SIRT2: variants seen among roughly 807,000 people sequenced by gnomAD.
SIRT2 encodes NAD-dependent protein deacetylase sirtuin-2.
SIRT2 carries 40 observed loss-of-function variants against 57.4 expected under a neutral mutation model. The observed-to-expected ratio is 0.70, with a 90% CI of 0.54 to 0.91. SIRT2 has a LOEUF of 0.91. Ranked by LOEUF, SIRT2 falls within the 40% of genes least tolerant of loss-of-function variation. The pLI, the probability that SIRT2 is intolerant of heterozygous loss-of-function variation, is 0.00. For synonymous variants in SIRT2, 161 were observed against 195.7 expected, an observed-to-expected ratio of 0.82 and a Z score of 1.48; for missense variants, 439 against 510.4, an observed-to-expected ratio of 0.86 and a Z score of 1.35.
At chr19:38,882,650 GA>G (rs1973192173) in intron 9 of SIRT2, among the ~76,000 whole-genome samples, 1 of 149,512 alleles carries the variant, frequency 6.7e-6, no homozygotes, top group African/African-American at 2.5e-5. Flanking sequence ...AAAAAAAAAA[GA>G]AAGAAAGAAA....
At chr19:38,891,914 G>A (rs1284136399) in intron 4 of SIRT2, 1 of 469,878 alleles carries the variant, frequency 2.1e-6, no homozygotes, top group Admixed American at 2.3e-5. Flanking sequence ...TGCCGCAGGA[G>A]AGGGAGGCTC....
intron 4 of SIRT2, among the ~76,000 whole-genome samples, chr19:38,890,861 TAGAC>T (rs1395982180): frequency 1.3e-5 from 2 of 152,140 alleles, no homozygotes; most frequent in Non-Finnish European, 2.9e-5. Context: ...CATCAGCTGA[TAGAC>T]AGGCACAAGT....
intron 8 of SIRT2, among the ~76,000 whole-genome samples, chr19:38,886,461 T>G (rs1422102861): frequency 6.6e-6 from 1 of 151,876 alleles, no homozygotes; most frequent in Non-Finnish European, 1.5e-5. Context: ...GGTTTTTTTT[T>G]TTTTTTCTTT....
At chr19:38,891,689 C>T (rs1973543007) in intron 4 of SIRT2, 3 of 336,016 alleles carry the variant, frequency 8.9e-6, no homozygotes, top group South Asian at 6.4e-5. Flanking sequence ...CTGCTTTCAG[C>T]CTCCCAAAAT....
Position 38,880,185 on chromosome 19 carries a change from G to C in SIRT2, c.877-483C>G, listed in dbSNP as rs1393600958. On this transcript the variant is annotated intron_variant, in intron 13 of 15. Transcript: ENST00000249396. The surrounding 1 kb of genome is among the most constrained non-coding windows in gnomAD (Gnocchi z 4.1). ...TGTGTCTTAGTTTCCTGTAGAATAG[G>C]GGTGATCACAAAACCGCGATGGGGT... The C allele has an allele frequency of 5.5e-6, 1 of 181,950 alleles. No homozygotes were observed. Among genetic ancestry groups the C allele is most frequent in the Non-Finnish European group, 1.2e-5 (1 of 86,004 alleles). The allele number at this position is 181,950 out of a possible 1,614,324, so 11.3% of individuals were successfully genotyped here.
At chr19:38,889,039 C>T (rs1363206073) in intron 8 of SIRT2, 48 bp downstream of exon 8, 1 of 1,558,488 alleles carries the variant, frequency 6.4e-7, no homozygotes, top group East Asian at 2.2e-5. Context: ...GGACACCATG[C>T]CCGTTCCACC....
At chr19:38,879,955 A>T in intron 13 of SIRT2, 1 of 501,336 alleles carries the variant, frequency 2.0e-6, no homozygotes, top group South Asian at 2.5e-5. Context: ...CCTCCCGAGT[A>T]GCCTGGATGA....
intron 8 of SIRT2, among the ~76,000 whole-genome samples, chr19:38,886,852 C>A (rs904830048): frequency 6.6e-6 from 1 of 152,068 alleles, no homozygotes; most frequent in African/African-American, 2.4e-5. Flanking sequence ...AAACTCCTGA[C>A]GTTGACTTTG....
At chr19:38,895,556 C>T (rs572421582) in intron 2 of SIRT2, among the ~76,000 whole-genome samples, 41 of 152,346 alleles carry the variant, frequency 2.7e-4, no homozygotes, top group African/African-American at 8.2e-4. Flanking sequence ...CTCCCTTCCC[C>T]GGATACTCAC....
At chr19:38,881,354 G>C in intron 10 of SIRT2, 78 bp downstream of exon 10, 1 of 1,358,562 alleles carries the variant, frequency 7.4e-7, no homozygotes, top group Non-Finnish European at 1.0e-6. Context: ...GTGCGGGTGT[G>C]GCCTTTGGGA....
In SIRT2 at chr19:38,879,828, T is replaced by G. The variant is rs45471192; in HGVS notation, c.877-126A>C. ...ACTTTGTTTTTTTTTTGTTGTTGTTTTTTTGGTTTTTTTTGAGACAAAGTT... is the reference window on the plus strand; with the variant it reads ...ACTTTGTTTTTTTTTTGTTGTTGTTGTTTTGGTTTTTTTTGAGACAAAGTT... On this transcript the variant is annotated intron_variant, in intron 13 of 15. Coordinates refer to ENST00000249396, the MANE Select transcript of SIRT2 (RefSeq NM_012237.4). The G allele has an allele frequency of 0.012, 8,303 of 679,188 alleles. 486 individuals are homozygous for G. The African/African-American group carries it at 0.13, about 11-fold the overall frequency. 42.1% of individuals were successfully genotyped at this position (679,188 alleles called of 1,614,324 possible).
At chr19:38,888,990 GC>G (rs1187135476) in intron 8 of SIRT2, 96 bp downstream of exon 8, 1 of 1,138,402 alleles carries the variant, frequency 8.8e-7, no homozygotes, top group African/African-American at 1.5e-5. Flanking sequence ...TGGAGTCCCC[GC>G]CTGAGCTCTT....
rs16972862 is a variant in SIRT2, at chr19:38,880,482, T to G, written c.876+203A>C. ...GCCTTCCTATCTGGCTTCAGCTGGT[T>G]TGAGTTGGAATTCTATCACTTGCTC... On this transcript the variant is annotated intron_variant, in intron 13 of 15. Transcript: ENST00000249396. The surrounding 1 kb of genome is among the most constrained non-coding windows in gnomAD (Gnocchi z 4.1). The G allele has an allele frequency of 0.024, 11,873 of 489,364 alleles. 755 individuals are homozygous for G. Among genetic ancestry groups the G allele is most frequent in the African/African-American group, 0.16 (8,426 of 51,374 alleles). The allele number at this position is 489,364 out of a possible 1,614,324, so 30.3% of individuals were successfully genotyped here.
At chr19:38,879,522 G>C (rs1665799069) in intron 14 of SIRT2, 22 bp from the exon 15 acceptor site, 1 of 1,595,090 alleles carries the variant, frequency 6.3e-7, no homozygotes, top group African/African-American at 1.3e-5. Context: ...CAGGAGATCA[G>C]AGTTCCCAGG....
intron 8 of SIRT2, among the ~76,000 whole-genome samples, chr19:38,885,408 GTTTTCTTTTC>G (rs1283970712): frequency 3.3e-5 from 5 of 150,326 alleles, no homozygotes; most frequent in African/African-American, 9.8e-5. Flanking sequence ...CCCAGCCACT[GTTTTCTTTTC>G]TTTTCTTTTC....
At chr19:38,896,078 AAG>A (rs1226760179) in intron 2 of SIRT2, among the ~76,000 whole-genome samples, 2 of 150,180 alleles carry the variant, frequency 1.3e-5, no homozygotes, top group South Asian at 2.1e-4. Context: ...CTCAAAAAAA[AAG>A]AGAGAGAGAA....
intron 8 of SIRT2, among the ~76,000 whole-genome samples, chr19:38,886,452 G>GTT (rs142521046): frequency 4.9e-5 from 7 of 142,164 alleles, no homozygotes; most frequent in African/African-American, 5.1e-5. Flanking sequence ...TGACAACATG[G>GTT]TTTTTTTTTT....
At position 38,890,129 on chromosome 19, in the gene SIRT2, C is replaced by A; in HGVS notation, c.242G>T (p.Cys81Phe). The change falls in exon 5 of 16, where the codon TGT becomes TTT. Residue 81 changes from cysteine (C) to phenylalanine (F), a missense_variant. Coordinates refer to ENST00000249396, the MANE Select transcript of SIRT2 (RefSeq NM_012237.4). ...MQSERCRRVI[C>F]LVGAGISTSA... ...TGTGGAGATTCCAGCTCCCACCAAA[C>A]AGATGACTCTGCGACCTGGAGGAGA... is the stretch of plus-strand genomic sequence containing the variant. 1 of 1,614,222 alleles carries A rather than the reference C, an allele frequency of 6.2e-7. No homozygotes were observed. Among genetic ancestry groups the A allele is most frequent in the Non-Finnish European group, 8.5e-7 (1 of 1,180,034 alleles).
rs778208745 is a variant in SIRT2, at chr19:38,879,228, G to C, written c.1097C>G (p.Ser366Ter). 1 of 1,597,530 alleles carries C rather than the reference G, an allele frequency of 6.3e-7. No individual in the cohort carries two copies. The highest frequency in any genetic ancestry group is 8.5e-7 in the Non-Finnish European group (1 of 1,175,576). ...TGGCGGGGACTTCTTGGGGGAAGCT[G>C]AAGTGCTGGGGTTGGGGACCCCCGC... ...SGAGVPNPST[S>*]ASPKKSPPPA... The change falls in exon 16 of 16, where the codon TCA becomes TGA. Residue 366 changes from serine to a stop codon, truncating the protein, a stop_gained. Transcript: ENST00000249396. LOFTEE classifies it high-confidence loss of function.
Sources: allele counts gnomAD v4.1 joint callset (sites outside exome capture counted in the v4.1 genomes callset), GRCh38; gene constraint gnomAD v4.1.1; non-coding constraint Gnocchi (gnomAD v3.1); transcripts MANE v1.5; gene names NCBI Gene and HGNC (gene_info 2026-07-23, HGNC 2026-07-21).